Variants in RIT1 observed in about 807,000 individuals in gnomAD.
RIT1 encodes Ras like without CAAX 1, also known as GTP-binding protein Rit1.
Under a neutral mutation model 25.6 loss-of-function variants are expected in RIT1, and 6 were observed. The ratio of observed to expected loss-of-function variants is 0.23; its 90% CI spans 0.13 to 0.46. The LOEUF (loss-of-function observed/expected upper bound fraction) is 0.46, where lower values mean the gene tolerates loss of function less well. RIT1 is among the 20% of genes least tolerant of loss of function. The pLI is 0.99. For missense variants in RIT1, 219 were observed against 284.4 expected, an observed-to-expected ratio of 0.77 and a Z score of 1.65; for synonymous variants, 81 against 94.1, an observed-to-expected ratio of 0.86 and a Z score of 0.80.
chr1:155,902,142 TG>T (rs1372251967), intron 5 of RIT1, among the ~76,000 whole-genome samples: 3 of 152,122 alleles, frequency 2.0e-5, no homozygotes, highest in Admixed American at 6.6e-5. Context: ...CATGTTACAG[TG>T]TTTTTTGTAG....
Position 155,900,049 on chromosome 1 carries a change from A to G in RIT1, c.*339T>C. 1 of 303,202 alleles carries G rather than the reference A, an allele frequency of 3.3e-6. No individual in the cohort carries two copies. Among genetic ancestry groups the G allele is most frequent in the Non-Finnish European group, 6.2e-6 (1 of 161,478 alleles). The allele number at this position is 303,202 out of a possible 1,614,324, so 18.8% of individuals were successfully genotyped here. A position where few individuals can be genotyped will look rare whatever the true frequency, so the allele number is the denominator to read the frequency against. Reference sequence around the variant, plus strand: ...AATTAAAGGATAATGTGGAGTGCAGAGCCAAAAACTTCCCTTGTGAACTTA... The same window carrying G: ...AATTAAAGGATAATGTGGAGTGCAGGGCCAAAAACTTCCCTTGTGAACTTA... On this transcript the variant is annotated 3_prime_UTR_variant, in exon 6 of 6. Transcript: ENST00000368323.
chr1:155,910,154 G>A (rs1351195179), intron 3 of RIT1: 2 of 306,434 alleles, frequency 6.5e-6, no homozygotes, highest in Non-Finnish European at 1.2e-5. Context: ...CCTTAGAGAA[G>A]TGACAGCAAG....
intron 3 of RIT1, among the ~76,000 whole-genome samples, chr1:155,908,538 C>A (rs995017475): frequency 6.6e-6 from 1 of 151,648 alleles, no homozygotes; most frequent in Non-Finnish European, 1.5e-5. Flanking sequence ...CTAGAACTCC[C>A]GCCATAATTT....
intron 5 of RIT1, 37 bp from the exon 6 acceptor site, chr1:155,900,655 A>G: frequency 6.4e-7 from 1 of 1,565,280 alleles, no homozygotes; most frequent in East Asian, 2.2e-5. Context: ...TAACAGTGAA[A>G]AACAATTAAA....
At chr1:155,906,762 C>CAA (rs59899087) in intron 3 of RIT1, among the ~76,000 whole-genome samples, 1,541 of 24,698 alleles carry the variant, frequency 0.062, 17 homozygotes, top group Non-Finnish European at 0.1. Flanking sequence ...TTCTCCGTCT[C>CAA]AAAAAAAAAA....
At chr1:155,907,858 A>T (rs1673481374) in intron 3 of RIT1, among the ~76,000 whole-genome samples, 1 of 152,132 alleles carries the variant, frequency 6.6e-6, no homozygotes, top group Non-Finnish European at 1.5e-5. Flanking sequence ...TGGGAGGCCG[A>T]GGCGGACGGA....
chr1:155,908,352 G>A (rs1001572966), intron 3 of RIT1, among the ~76,000 whole-genome samples: 12 of 151,248 alleles, frequency 7.9e-5, no homozygotes, highest in Non-Finnish European at 1.5e-4. Flanking sequence ...CTACTCAGGA[G>A]GCTGAGGCAG....
chr1:155,900,392 G>C lies in RIT1; in HGVS notation c.656C>G (p.Thr219Ser), dbSNP rs2102580754. ...TAAACACTTCACATCTTCTCTTCAA[G>C]TTACTGAATCTTTCTTCTTCCGGAA... is the stretch of plus-strand genomic sequence containing the variant. ...SPFRKKKDSVT is the reference protein window; with the variant it reads ...SPFRKKKDSVS The change falls in exon 6 of 6, where the codon ACT becomes AGT. Residue 219 changes from threonine to serine, a missense_variant. Coordinates refer to ENST00000368323, the MANE Select transcript of RIT1 (RefSeq NM_006912.6). The C allele has an allele frequency of 6.2e-7, 1 of 1,611,898 alleles. No individual in the cohort carries two copies. Among genetic ancestry groups the C allele is most frequent in the Non-Finnish European group, 8.5e-7 (1 of 1,178,066 alleles).
rs979213797 is a variant in RIT1 at position 155,899,776 on chromosome 1, G to C, written c.*612C>G. The stretch of plus-strand genomic sequence containing the variant: ...GGCCAAATGTGTACTTCTTAGAAAA[G>C]CGAAGCTTGTACTGAGAATACTGTT... On this transcript the variant is annotated 3_prime_UTR_variant, in exon 6 of 6. Transcript: ENST00000368323. 1 of 220,940 alleles carries C rather than the reference G, an allele frequency of 4.5e-6. No individual in the cohort carries two copies. Among genetic ancestry groups the C allele is most frequent in the Non-Finnish European group, 9.1e-6 (1 of 110,444 alleles). 13.7% of individuals were successfully genotyped at this position (220,940 alleles called of 1,614,324 possible). A position where few individuals can be genotyped will look rare whatever the true frequency, so the allele number is the denominator to read the frequency against.
intron 3 of RIT1, chr1:155,909,954 G>C (rs867069092): frequency 6.6e-6 from 1 of 152,356 alleles, no homozygotes; most frequent in Admixed American, 6.6e-5. Context: ...ACAGACATGG[G>C]AGAAGACATT....
At chr1:155,906,424 C>T (rs1311770218) in intron 3 of RIT1, among the ~76,000 whole-genome samples, 2 of 151,532 alleles carry the variant, frequency 1.3e-5, no homozygotes, top group Non-Finnish European at 2.9e-5. Flanking sequence ...CTTAATGGGC[C>T]GGGACCAGCA....
At chr1:155,907,415 G>C (rs1009839949) in intron 3 of RIT1, among the ~76,000 whole-genome samples, 8 of 151,982 alleles carry the variant, frequency 5.3e-5, no homozygotes, top group East Asian at 2.0e-4. Flanking sequence ...GCTAATTTTT[G>C]TATTTTCAGT....
At chr1:155,901,760 G>C (rs574948607) in intron 5 of RIT1, among the ~76,000 whole-genome samples, 1 of 152,154 alleles carries the variant, frequency 6.6e-6, no homozygotes, top group South Asian at 2.1e-4. Context: ...CAAGGCTGCG[G>C]TAAGCCATGT....
chr1:155,902,224 TATGCATTCTGAACTGG>T (rs1289532901), intron 5 of RIT1, among the ~76,000 whole-genome samples: 1 of 152,160 alleles, frequency 6.6e-6, no homozygotes, highest in Non-Finnish European at 1.5e-5. Flanking sequence ...GAAACATTAT[TATGCATTCTGAACTGG>T]ATGCATATTC....
rs747376042 is a variant in RIT1, at chr1:155,910,473, G to A, written c.140C>T (p.Pro47Leu). The change falls in exon 3 of 6, where the codon CCA becomes CTA. Residue 47 changes from proline (P) to leucine (L), a missense_variant. Physicochemically the swap from Pro to Leu is moderately conservative, Grantham distance 98. This residue lies in a region of RIT1 where 131 missense variants were observed against 173.6 expected (regional missense o/e 0.75). Coordinates refer to ENST00000368323, the MANE Select transcript of RIT1 (RefSeq NM_006912.6). Reference protein sequence around the residue: ...MTMQFISHRFPEDHDPTIEDA... With the variant: ...MTMQFISHRFLEDHDPTIEDA... ...ACCAATGGTGGGATCATGATCTTCT[G>A]GGAATCGGTGGCTGATGAACTGCAT... The A allele has an allele frequency of 8.1e-6, 13 of 1,613,998 alleles. No individual in the cohort carries two copies. Among genetic ancestry groups the A allele is most frequent in the Non-Finnish European group, 1.1e-5 (13 of 1,179,978 alleles).
In RIT1 at chr1:155,910,860, C is replaced by T; in HGVS notation, c.-43-56G>A. 3.8e-6 allele frequency: 6 copies of T among 1,596,518 alleles called. No individual in the cohort carries two copies. In the African/African-American group the frequency reaches 4.0e-5, roughly 11 times the overall value. On this transcript the variant is annotated intron_variant, in intron 1 of 5. Coordinates refer to ENST00000368323, the MANE Select transcript of RIT1 (RefSeq NM_006912.6). ...GGATGGAGACACCACGGCGACAGCCCTCAAGCCAGTGCCTTACCTTTCCAT... is the reference window on the plus strand; with the variant it reads ...GGATGGAGACACCACGGCGACAGCCTTCAAGCCAGTGCCTTACCTTTCCAT...
intron 3 of RIT1, 125 bp downstream of exon 3, chr1:155,910,325 G>A: frequency 1.3e-6 from 1 of 789,912 alleles, no homozygotes; most frequent in Non-Finnish European, 2.1e-6. Context: ...TGATACCCTT[G>A]TTTCTAAATA....
rs1673250766 is a variant in RIT1 at position 155,898,938 on chromosome 1, T to C, written c.*1450A>G. The C allele has an allele frequency of 4.7e-6, 1 of 211,858 alleles. No individual in the cohort carries two copies. Among genetic ancestry groups the C allele is most frequent in the South Asian group, 1.9e-4 (1 of 5,354 alleles). The allele number at this position is 211,858 out of a possible 1,614,324, so 13.1% of individuals were successfully genotyped here. A position where few individuals can be genotyped will look rare whatever the true frequency, so the allele number is the denominator to read the frequency against. The stretch of plus-strand genomic sequence containing the variant: ...CTTCCTCTAATAAAAATGGAAAATA[T>C]TAAGATGAGCTGTGTGCTTATAAAG... On this transcript the variant is annotated 3_prime_UTR_variant, in exon 6 of 6. Transcript: ENST00000368323.
At chr1:155,903,443 ACT>A (rs1335776481) in intron 5 of RIT1, among the ~76,000 whole-genome samples, 2 of 121,990 alleles carry the variant, frequency 1.6e-5, no homozygotes, top group African/African-American at 3.2e-5. Context: ...ACAGAGTGAG[ACT>A]CTGTCTCAAA....
Sources: gnomAD v4.1 joint callset for allele counts (sites outside exome capture counted in the v4.1 genomes callset) on GRCh38, gnomAD v4.1.1 for gene constraint, gnomAD v4.1.1 regional missense constraint, MANE v1.5 for transcripts, NCBI Gene and HGNC (gene_info 2026-07-23, HGNC 2026-07-21) for gene names.